The following PAPSS1 variants were observed in gnomAD, a reference collection of about 807,000 sequenced individuals.
PAPSS1 encodes 3'-phosphoadenosine 5'-phosphosulfate synthase 1, also known as bifunctional 3'-phosphoadenosine 5'-phosphosulfate synthase 1.
PAPSS1 carries 50 observed loss-of-function variants against 72.0 expected under a neutral mutation model. That is an observed-to-expected ratio of 0.69 (90% CI 0.55 to 0.88). PAPSS1 has a LOEUF of 0.88. Ranked by LOEUF, PAPSS1 falls within the 40% of genes least tolerant of loss-of-function variation. The probability of loss-of-function intolerance (pLI) is 0.00; values close to 1 mark genes in which losing one functional copy is unlikely to be tolerated. For synonymous variants in PAPSS1, 261 were observed against 263.6 expected (o/e 0.99, Z 0.09); for missense variants, 657 against 782.2 (o/e 0.84, Z 1.91).
chr4:107,643,261 C>A (rs1366423013), intron 10 of PAPSS1, among the ~76,000 whole-genome samples: 1 of 152,198 alleles, frequency 6.6e-6, no homozygotes, highest in Non-Finnish European at 1.5e-5. Flanking sequence ...AAGAAGGGAG[C>A]GGGCTCTCCA....
Position 107,713,176 on chromosome 4 carries a change from T to C in PAPSS1, c.60+6944A>G, listed in dbSNP as rs113331561. ...TGTTGGCCAGGCTAGTTGATACATG[T>C]TGTAACATGGATGACGCTTGAAAAC... On this transcript the variant is annotated intron_variant, in intron 1 of 11. Coordinates refer to ENST00000265174, the MANE Select transcript of PAPSS1 (RefSeq NM_005443.5). 6.5e-3 allele frequency among the ~76,000 whole-genome samples: 991 copies of C among 152,094 alleles called. 9 individuals are homozygous for C. The highest frequency in any genetic ancestry group is 7.8e-3 in the Non-Finnish European group (531 of 67,978).
chr4:107,672,829 A>AGGT (rs1727525991), intron 5 of PAPSS1, among the ~76,000 whole-genome samples: 1 of 152,186 alleles, frequency 6.6e-6, no homozygotes, highest in Admixed American at 6.5e-5. Context: ...GCAGACTGAC[A>AGGT]CCTCACACAG....
chr4:107,623,824 T>C (rs1313999466), intron 11 of PAPSS1, among the ~76,000 whole-genome samples: 1 of 152,218 alleles, frequency 6.6e-6, no homozygotes, highest in East Asian at 1.9e-4. Flanking sequence ...GCTCAGCTTA[T>C]GTGAATTTTC....
intron 11 of PAPSS1, among the ~76,000 whole-genome samples, chr4:107,623,163 T>C (rs1055751446): frequency 1.3e-5 from 2 of 152,228 alleles, no homozygotes; most frequent in Admixed American, 6.5e-5. Flanking sequence ...TCCATGTGGA[T>C]ACTTTCACAC....
At chr4:107,708,092 C>T (rs191965819) in intron 1 of PAPSS1, among the ~76,000 whole-genome samples, 1 of 152,304 alleles carries the variant, frequency 6.6e-6, no homozygotes, top group Admixed American at 6.5e-5. Flanking sequence ...CCCATCTACT[C>T]ATCTCATTAA....
At chr4:107,701,955 C>A (rs1339703786) in intron 1 of PAPSS1, among the ~76,000 whole-genome samples, 2 of 141,850 alleles carry the variant, frequency 1.4e-5, no homozygotes, top group African/African-American at 5.2e-5. Flanking sequence ...GTTATAACTT[C>A]ATGTTCTCCC....
chr4:107,660,135 T>G, intron 5 of PAPSS1, 63 bp from the exon 6 acceptor site: 1 of 828,168 alleles, frequency 1.2e-6, no homozygotes, highest in Non-Finnish European at 1.9e-6. Flanking sequence ...CACCAAAGGG[T>G]ATCTTAATGA....
intron 2 of PAPSS1, among the ~76,000 whole-genome samples, chr4:107,698,906 C>T (rs1010335612): frequency 6.6e-6 from 1 of 151,918 alleles, no homozygotes; most frequent in South Asian, 2.1e-4. Flanking sequence ...CAAAGCCTAA[C>T]CTGCTGAGGT....
rs1727512258 is a variant in PAPSS1, at chr4:107,672,456, A to T, written c.669+9559T>A. Among the ~76,000 whole-genome samples, 8 of 152,180 alleles carry T rather than the reference A, an allele frequency of 5.3e-5. No individual in the cohort carries two copies. In the South Asian group the frequency reaches 1.4e-3, roughly 28 times the overall value. ...GGCTCGGAGGGTCCTATGCCCACGGAGCCTCGCTCATTGCTAGCACAGCAG... is the reference window on the plus strand; with the variant it reads ...GGCTCGGAGGGTCCTATGCCCACGGTGCCTCGCTCATTGCTAGCACAGCAG... On this transcript the variant is annotated intron_variant, in intron 5 of 11. Transcript: ENST00000265174.
At chr4:107,671,565 T>C (rs1232846876) in intron 5 of PAPSS1, among the ~76,000 whole-genome samples, 1 of 152,142 alleles carries the variant, frequency 6.6e-6, no homozygotes, top group Non-Finnish European at 1.5e-5. Context: ...TCTGAGATCT[T>C]ATAAAACACT....
At position 107,682,013 on chromosome 4, in the gene PAPSS1, A is replaced by G. The variant is rs747232877; in HGVS notation, c.669+2T>C. 1.4e-6 allele frequency: 2 copies of G among 1,461,232 alleles called. No homozygotes were observed. Among genetic ancestry groups the G allele is most frequent in the Non-Finnish European group, 1.9e-6 (2 of 1,048,970 alleles). 90.5% of individuals were successfully genotyped at this position (1,461,232 alleles called of 1,614,324 possible). A position where few individuals can be genotyped will look rare whatever the true frequency, so the allele number is the denominator to read the frequency against. On this transcript the variant is annotated splice_donor_variant, in intron 5 of 11. Transcript: ENST00000265174. LOFTEE classifies it high-confidence loss of function. Reference sequence around the variant, plus strand: ...ATGATTCCTTCTTTCATCCTCTCTTACCCGTTCCTGTAGAAGTTCCACAAC... The same window carrying G: ...ATGATTCCTTCTTTCATCCTCTCTTGCCCGTTCCTGTAGAAGTTCCACAAC...
intron 11 of PAPSS1, among the ~76,000 whole-genome samples, chr4:107,621,386 A>G (rs2110296143): frequency 6.6e-6 from 1 of 152,302 alleles, no homozygotes; most frequent in South Asian, 2.1e-4. Flanking sequence ...AGATTAATGT[A>G]TAAAGAGAAT....
At chr4:107,664,887 AT>A (rs1013867549) in intron 5 of PAPSS1, among the ~76,000 whole-genome samples, 2 of 152,196 alleles carry the variant, frequency 1.3e-5, no homozygotes, top group Non-Finnish European at 2.9e-5. Flanking sequence ...ATTTTTTCAT[AT>A]TTTGTTTTTG....
At chr4:107,665,667 T>A (rs1038102587) in intron 5 of PAPSS1, among the ~76,000 whole-genome samples, 8 of 152,128 alleles carry the variant, frequency 5.3e-5, no homozygotes, top group African/African-American at 1.9e-4. Flanking sequence ...CTACTATTAA[T>A]GAGAGGTGAA....
chr4:107,716,427 T>C (rs1723640291), intron 1 of PAPSS1, among the ~76,000 whole-genome samples: 1 of 152,126 alleles, frequency 6.6e-6, no homozygotes, highest in Admixed American at 6.5e-5. Context: ...CAGGGAGTTG[T>C]GAAAGGTGAA....
At chr4:107,618,490 A>G (rs1024140114) in intron 11 of PAPSS1, among the ~76,000 whole-genome samples, 5 of 151,790 alleles carry the variant, frequency 3.3e-5, no homozygotes, top group African/African-American at 1.2e-4. Context: ...GAAACAAGAG[A>G]AACATAAGAT....
rs1414012823 is a variant in PAPSS1 at position 107,710,749 on chromosome 4, G to T, written c.60+9371C>A. Among the ~76,000 whole-genome samples the T allele has an allele frequency of 4.7e-4, 71 of 152,190 alleles. 1 individual carries two copies. The highest frequency in any genetic ancestry group is 4.6e-3 in the Admixed American group (71 of 15,288). ...AATCTCTCTCTCTCTCTCTGGGTGT[G>T]AGCAAGACGAGCTGTGTCCTGGCTC... On this transcript the variant is annotated intron_variant, in intron 1 of 11. Transcript: ENST00000265174.
At chr4:107,661,087 T>C (rs1470086523) in intron 5 of PAPSS1, among the ~76,000 whole-genome samples, 1 of 152,148 alleles carries the variant, frequency 6.6e-6, no homozygotes, top group African/African-American at 2.4e-5. Context: ...ACATAGATTA[T>C]AAATAAGCAT....
intron 5 of PAPSS1, among the ~76,000 whole-genome samples, chr4:107,676,773 G>C (rs1357447012): frequency 7.9e-5 from 12 of 152,212 alleles, no homozygotes; most frequent in South Asian, 4.1e-4. Flanking sequence ...CACACTACCT[G>C]ACTTCAAACT....
Sources: gnomAD v4.1 joint callset for allele counts (sites outside exome capture counted in the v4.1 genomes callset) on GRCh38, gnomAD v4.1.1 for gene constraint, MANE v1.5 for transcripts, NCBI Gene and HGNC (gene_info 2026-07-23, HGNC 2026-07-21) for gene names.